ARHGAP32: variants seen among roughly 807,000 people sequenced by gnomAD.
The protein encoded by ARHGAP32 is Rho GTPase activating protein 32, also known as rho GTPase-activating protein 32.
In ARHGAP32, 51 loss-of-function variants were observed where a neutral mutation model predicts 186.5. That is an observed-to-expected ratio of 0.27 (90% confidence interval 0.22 to 0.35). The LOEUF is 0.35. ARHGAP32 is among the 10% of genes least tolerant of loss of function. The pLI, the probability that ARHGAP32 is intolerant of heterozygous loss-of-function variation, is 1.00. For missense variants in ARHGAP32, 2,186 were observed against 2,623.5 expected (o/e 0.83, Z 3.64); for synonymous variants, 950 against 964.3 (o/e 0.99, Z 0.27).
At chr11:129,055,268 T>A (rs891872974) in intron 10 of ARHGAP32, among the ~76,000 whole-genome samples, 14 of 152,230 alleles carry the variant, frequency 9.2e-5, no homozygotes, top group Admixed American at 6.5e-4. Context: ...CTATTTTTTT[T>A]AAACTGGCAA....
At chr11:129,274,109 C>T (rs2135732005) in intron 1 of ARHGAP32, among the ~76,000 whole-genome samples, 1 of 152,052 alleles carries the variant, frequency 6.6e-6, no homozygotes, top group South Asian at 2.1e-4. Flanking sequence ...GAAATTAAAC[C>T]AAACACCCAT....
intron 2 of ARHGAP32, among the ~76,000 whole-genome samples, chr11:129,152,935 G>A (rs1028858043): frequency 2.6e-5 from 4 of 152,122 alleles, no homozygotes; most frequent in Non-Finnish European, 4.4e-5. Flanking sequence ...CAGTAAAGAG[G>A]AAGTCAAACT....
rs146551425 is a variant in ARHGAP32 at position 128,969,641 on chromosome 11, C to T, written c.5572G>A (p.Gly1858Ser). The T allele has an allele frequency of 3.7e-6, 6 of 1,613,974 alleles. No individual in the cohort carries two copies. The African/African-American group carries it at 6.7e-5, about 18-fold the overall frequency. Residue 1858 changes from glycine (G) to serine (S), a missense_variant, in exon 23 of 23, where the codon GGC (glycine) becomes AGC (serine). Physicochemically the swap from Gly to Ser is moderately conservative, Grantham distance 56. Coordinates refer to ENST00000682385, the MANE Select transcript of ARHGAP32 (RefSeq NM_001378024.1). This position sits in a 1 kb window ranked among gnomAD's most constrained non-coding sequence, Gnocchi z 4.8. ...AEMDRAHHHG[G>S]HGSTQPEKPS... ...TTCTCCGGCTGCGTGCTACCATGGC[C>T]TCCGTGATGGTGGGCTCTGTCCATC...
At position 128,969,139 on chromosome 11, in the gene ARHGAP32, C is replaced by T. The variant is rs749761455; in HGVS notation, c.6074G>A (p.Gly2025Asp). 1.2e-6 allele frequency: 2 copies of T among 1,607,338 alleles called. No individual in the cohort carries two copies. The highest frequency in any genetic ancestry group is 2.2e-5 in the East Asian group (1 of 44,720). Residue 2025 changes from glycine to aspartate, a missense_variant, in exon 23 of 23, where the codon GGC becomes GAC. Transcript: ENST00000682385. This position sits in a 1 kb window ranked among gnomAD's most constrained non-coding sequence, Gnocchi z 4.8. ...AACAGTCACACTGCTCTGGCGCTTG[C>T]CGTGTGGTTGGTACTGGTACAGCAC... Reference protein sequence around the residue: ...PSVLYQYQPHGKRQSSVTVVS... With the variant: ...PSVLYQYQPHDKRQSSVTVVS...
At chr11:129,039,840 T>C (rs933059289) in intron 11 of ARHGAP32, among the ~76,000 whole-genome samples, 8 of 152,308 alleles carry the variant, frequency 5.3e-5, no homozygotes, top group African/African-American at 1.9e-4. Context: ...TAAAAAAGTT[T>C]ACCCAAGAAG....
At chr11:128,998,253 G>C (rs960309543) in intron 12 of ARHGAP32, 66 bp downstream of exon 12, 14 of 1,307,894 alleles carry the variant, frequency 1.1e-5, no homozygotes, top group East Asian at 7.5e-5. Context: ...CTCCATAATT[G>C]GTTATAGCAA....
chr11:129,036,035 T>G (rs896797194), intron 11 of ARHGAP32, among the ~76,000 whole-genome samples: 4 of 152,040 alleles, frequency 2.6e-5, no homozygotes, highest in Non-Finnish European at 1.5e-5. Context: ...TTCCCAATGC[T>G]AAATGGTTCT....
intron 1 of ARHGAP32, among the ~76,000 whole-genome samples, chr11:129,180,116 AATT>A (rs904749029): frequency 6.6e-6 from 1 of 152,156 alleles, no homozygotes; most frequent in East Asian, 1.9e-4. Flanking sequence ...CACTATATAC[AATT>A]ATTTATTAAG....
chr11:129,062,241 T>G (rs1940529992), intron 10 of ARHGAP32, 39 bp downstream of exon 10: 1 of 1,582,388 alleles, frequency 6.3e-7, no homozygotes, highest in South Asian at 1.1e-5. Context: ...AAAAAAACTT[T>G]CCTTTGAATT....
intron 2 of ARHGAP32, among the ~76,000 whole-genome samples, chr11:129,161,727 A>C (rs1591661481): frequency 6.6e-6 from 1 of 152,208 alleles, no homozygotes; most frequent in Non-Finnish European, 1.5e-5. Flanking sequence ...CCATTGTGGA[A>C]GACAGTGCGG....
At chr11:129,077,324 C>G (rs1018950672) in intron 6 of ARHGAP32, among the ~76,000 whole-genome samples, 7 of 152,126 alleles carry the variant, frequency 4.6e-5, no homozygotes, top group African/African-American at 1.7e-4. Flanking sequence ...GATAGGAGTA[C>G]AGAAGACAAG....
At chr11:129,199,739 C>T (rs182784942) in intron 1 of ARHGAP32, among the ~76,000 whole-genome samples, 1 of 152,372 alleles carries the variant, frequency 6.6e-6, no homozygotes, top group African/African-American at 2.4e-5. Flanking sequence ...AGAGCCCCCA[C>T]TGGGCACTGC....
chr11:129,228,592 C>G (rs540645610), intron 1 of ARHGAP32, among the ~76,000 whole-genome samples: 1 of 152,262 alleles, frequency 6.6e-6, no homozygotes, highest in African/African-American at 2.4e-5. Context: ...TTATCCTCAG[C>G]AAACCAACAC....
chr11:129,235,995 A>G (rs780223135), intron 1 of ARHGAP32, among the ~76,000 whole-genome samples: 2 of 151,950 alleles, frequency 1.3e-5, no homozygotes, highest in African/African-American at 4.8e-5. Flanking sequence ...GGCCAGTTCC[A>G]TATTTTTGCA....
intron 1 of ARHGAP32, among the ~76,000 whole-genome samples, chr11:129,165,527 ACT>A (rs1236231535): frequency 2.0e-5 from 3 of 148,626 alleles, no homozygotes; most frequent in Non-Finnish European, 4.5e-5. Context: ...CATTCTCCAG[ACT>A]CTCTGCAAAT....
At chr11:129,081,856 A>C (rs11501251) in intron 6 of ARHGAP32, among the ~76,000 whole-genome samples, 3,842 of 152,148 alleles carry the variant, frequency 0.025, 103 homozygotes, top group African/African-American at 0.062. Flanking sequence ...AAAACCCTAA[A>C]GACTCATCCA....
intron 11 of ARHGAP32, among the ~76,000 whole-genome samples, chr11:129,010,696 T>A (rs936114140): frequency 6.6e-6 from 1 of 152,204 alleles, no homozygotes; most frequent in Non-Finnish European, 1.5e-5. Context: ...CTCAATAATT[T>A]TAGAAGGATA....
intron 11 of ARHGAP32, among the ~76,000 whole-genome samples, chr11:129,013,706 T>G: frequency 6.6e-6 from 1 of 152,214 alleles, no homozygotes; most frequent in Non-Finnish European, 1.5e-5. Context: ...ATCTCTTAAA[T>G]TAGTTTTCTT....
At chr11:128,980,780 G>C in intron 17 of ARHGAP32, 32 bp from the exon 18 acceptor site, 1 of 1,485,190 alleles carries the variant, frequency 6.7e-7, no homozygotes, top group Non-Finnish European at 9.3e-7. Flanking sequence ...GATGAAGAGA[G>C]TCAACTACGT....
Sources: allele counts gnomAD v4.1 joint callset (sites outside exome capture counted in the v4.1 genomes callset), GRCh38; gene constraint gnomAD v4.1.1; non-coding constraint Gnocchi (gnomAD v3.1); transcripts MANE v1.5; gene names NCBI Gene and HGNC (gene_info 2026-07-23, HGNC 2026-07-21).